Variants in PTBP2 observed in about 807,000 individuals in gnomAD.
PTBP2 encodes the protein polypyrimidine tract binding protein 2.
In PTBP2, 13 loss-of-function variants were observed where a neutral mutation model predicts 61.4. That is an observed-to-expected ratio of 0.21 (90% CI 0.14 to 0.34). The LOEUF is 0.34. PTBP2 is among the 10% of genes least tolerant of loss of function. The probability of loss-of-function intolerance (pLI) is 1.00; values close to 1 mark genes in which losing one functional copy is unlikely to be tolerated. For missense variants in PTBP2, 405 were observed against 642.6 expected (o/e 0.63, Z 4.00); for synonymous variants, 215 against 218.5 (o/e 0.98, Z 0.14).
At chr1:96,761,058 A>C (rs765777194) in intron 3 of PTBP2, among the ~76,000 whole-genome samples, 5 of 152,222 alleles carry the variant, frequency 3.3e-5, no homozygotes, top group African/African-American at 4.8e-5. Context: ...GAAAGAGTAC[A>C]TAGTGTGATT....
intron 8 of PTBP2, among the ~76,000 whole-genome samples, chr1:96,802,211 G>GAAAAAAA (rs5776325): frequency 1.9e-5 from 1 of 54,026 alleles, no homozygotes; most frequent in Non-Finnish European, 3.2e-5. Context: ...ACTCCGTCTC[G>GAAAAAAA]AAAAAAAAAA....
chr1:96,806,519 G>GTAGC, intron 10 of PTBP2, 67 bp downstream of exon 10: 2 of 1,496,136 alleles, frequency 1.3e-6, no homozygotes, highest in Non-Finnish European at 1.9e-6. Flanking sequence ...ATTCTTATTT[G>GTAGC]TAGCTAGCAC....
intron 8 of PTBP2, among the ~76,000 whole-genome samples, chr1:96,791,057 T>TGAGAGGA (rs2101100287): frequency 6.6e-6 from 1 of 152,278 alleles, no homozygotes; most frequent in East Asian, 1.9e-4. Flanking sequence ...ATTTATTCAT[T>TGAGAGGA]GAGAGGATAT....
At chr1:96,823,134 T>G (rs1232181402) in exon 14 of PTBP2, 1 of 152,340 alleles carries the variant, frequency 6.6e-6, no homozygotes, top group African/African-American at 2.4e-5. Flanking sequence ...CTAATTTTTT[T>G]GTATCTTTAG....
At chr1:96,753,022 C>G (rs929158742) in intron 3 of PTBP2, among the ~76,000 whole-genome samples, 3 of 151,954 alleles carry the variant, frequency 2.0e-5, no homozygotes, top group Non-Finnish European at 2.9e-5. Context: ...TCAGGGCTGC[C>G]CAATCATTTG....
chr1:96,795,971 A>C (rs1660337828), intron 8 of PTBP2, among the ~76,000 whole-genome samples: 1 of 152,236 alleles, frequency 6.6e-6, no homozygotes, highest in Non-Finnish European at 1.5e-5. Flanking sequence ...AGTGCCTGGT[A>C]TATAATAAAT....
At chr1:96,791,549 C>A (rs1659792296) in intron 8 of PTBP2, among the ~76,000 whole-genome samples, 1 of 152,024 alleles carries the variant, frequency 6.6e-6, no homozygotes, top group Non-Finnish European at 1.5e-5. Context: ...GTGATGTAGG[C>A]CATTAAGTAG....
chr1:96,811,430 T>C (rs1662073034), intron 11 of PTBP2, among the ~76,000 whole-genome samples: 1 of 152,188 alleles, frequency 6.6e-6, no homozygotes, highest in African/African-American at 2.4e-5. Flanking sequence ...TTTTTGTTTT[T>C]GTTTTGAGAC....
rs1304009091 is a variant in PTBP2 at position 96,812,917 on chromosome 1, A to G, written c.1377A>G (p.Leu459=). 6.2e-7 allele frequency: 1 copy of G among 1,611,554 alleles called. No homozygotes were observed. Among genetic ancestry groups the G allele is most frequent in the Non-Finnish European group, 8.5e-7 (1 of 1,177,764 alleles). ...TTCCTCCTTCTGCCACCCTTCACCT[A>G]TCTAATATCCCGTAAGTATATAAGC... is the stretch of plus-strand genomic sequence containing the variant. ...NIFPPSATLH[L]SNIPPSVAEE... is the part of the protein sequence containing the mutation. The change falls in exon 12 of 14, where the codon CTA becomes CTG. Residue 459 remains leucine, a synonymous_variant. Coordinates refer to ENST00000674951, the MANE Select transcript of PTBP2 (RefSeq NM_021190.4).
downstream of PTBP2, chr1:96,817,824 T>C (rs907374255): frequency 2.5e-4 from 38 of 152,098 alleles, no homozygotes; most frequent in African/African-American, 8.9e-4. Context: ...TTTCTTGTTT[T>C]GCCTAGTTAT....
At chr1:96,773,197 G>A (rs1288602073) in intron 5 of PTBP2, among the ~76,000 whole-genome samples, 1 of 151,230 alleles carries the variant, frequency 6.6e-6, no homozygotes, top group Non-Finnish European at 1.5e-5. Flanking sequence ...GGGCACTTAG[G>A]ATGACTAGTG....
intron 2 of PTBP2, among the ~76,000 whole-genome samples, chr1:96,734,213 A>G (rs1194703413): frequency 2.0e-5 from 3 of 152,178 alleles, no homozygotes; most frequent in Admixed American, 6.5e-5. Context: ...TTAGTAACCC[A>G]TAGCTAAAAT....
At chr1:96,741,260 C>T (rs1320832728) in intron 2 of PTBP2, among the ~76,000 whole-genome samples, 1 of 150,186 alleles carries the variant, frequency 6.7e-6, no homozygotes, top group Non-Finnish European at 1.5e-5. Context: ...TGTTTTGTTT[C>T]ATTTTTGTTT....
chr1:96,743,900 A>G (rs1284405107), intron 2 of PTBP2, among the ~76,000 whole-genome samples: 1 of 152,048 alleles, frequency 6.6e-6, no homozygotes, highest in Non-Finnish European at 1.5e-5. Context: ...TATGAATGTT[A>G]AAAACACGGT....
chr1:96,807,992 G>T (rs1035772988), intron 11 of PTBP2, among the ~76,000 whole-genome samples: 6 of 152,116 alleles, frequency 3.9e-5, no homozygotes, highest in African/African-American at 1.4e-4. Flanking sequence ...CATATATGTT[G>T]TAAGTAGCAC....
intron 3 of PTBP2, among the ~76,000 whole-genome samples, chr1:96,752,911 C>T (rs559165422): frequency 6.6e-6 from 1 of 152,206 alleles, no homozygotes; most frequent in Non-Finnish European, 1.5e-5. Flanking sequence ...CATGAACACT[C>T]TGGCTTTCTG....
chr1:96,791,428 A>G (rs1156971976), intron 8 of PTBP2, among the ~76,000 whole-genome samples: 2 of 152,220 alleles, frequency 1.3e-5, no homozygotes, highest in Non-Finnish European at 2.9e-5. Context: ...GTATCCTACA[A>G]AGAAGAACGC....
chr1:96,817,060 A>ATT (rs1403566647), downstream of PTBP2: 2 of 152,282 alleles, frequency 1.3e-5, no homozygotes, highest in East Asian at 3.9e-4. Context: ...GAAACCATGG[A>ATT]TTTAGCTTTA....
At chr1:96,731,434 A>G (rs989276341) in intron 2 of PTBP2, among the ~76,000 whole-genome samples, 4 of 152,094 alleles carry the variant, frequency 2.6e-5, no homozygotes, top group Non-Finnish European at 4.4e-5. Flanking sequence ...GGTTATTTAT[A>G]TTTCATTTTC....
Sources: allele counts gnomAD v4.1 joint callset (sites outside exome capture counted in the v4.1 genomes callset), GRCh38; gene constraint gnomAD v4.1.1; transcripts MANE v1.5; gene names NCBI Gene and HGNC (gene_info 2026-07-23, HGNC 2026-07-21).